The following VAMP7 variants were observed in gnomAD, a reference collection of about 807,000 sequenced individuals.
The protein encoded by VAMP7 is vesicle associated membrane protein 7, also known as vesicle-associated membrane protein 7.
A neutral mutation model predicts 29.6 loss-of-function variants in VAMP7; 14 were observed. That is an observed-to-expected ratio of 0.47 (90% CI 0.31 to 0.74). The LOEUF is 0.74. Among genes scored for constraint, VAMP7 ranks in the 30% least tolerant of loss-of-function variants. The pLI, the probability that VAMP7 is intolerant of heterozygous loss-of-function variation, is 0.05. For missense variants in VAMP7, 223 were observed against 262.4 expected (o/e 0.85, Z 1.04); for synonymous variants, 95 against 88.1 (o/e 1.08, Z -0.44).
chrX:155,928,735 G>A (rs1246172591), intron 6 of VAMP7, among the ~76,000 whole-genome samples: 1 of 152,152 alleles, frequency 6.6e-6, no homozygotes, highest in East Asian at 1.9e-4. Flanking sequence ...TTAGGACACA[G>A]GCATGTCTTA....
intron 4 of VAMP7, 119 bp from the exon 5 acceptor site, chrX:155,900,378 A>G (rs1449012073): frequency 1.3e-6 from 1 of 749,110 alleles, no homozygotes; most frequent in Non-Finnish European, 2.1e-6. Context: ...TGTATCTTTT[A>G]TATCAATAGA....
chrX:155,883,437 T>A (rs2065827680), intron 1 of VAMP7, among the ~76,000 whole-genome samples: 1 of 152,192 alleles, frequency 6.6e-6, no homozygotes, highest in African/African-American at 2.4e-5. Context: ...GTTAATTTAA[T>A]AATCTGCTCA....
intron 6 of VAMP7, among the ~76,000 whole-genome samples, chrX:155,923,442 GAC>G (rs1050787315): frequency 1.3e-5 from 2 of 150,152 alleles, no homozygotes; most frequent in African/African-American, 2.4e-5. Context: ...TTTTTTGAAA[GAC>G]ATTTTCACTG....
chrX:155,906,661 G>A (rs1406003378), intron 5 of VAMP7, among the ~76,000 whole-genome samples: 1 of 152,060 alleles, frequency 6.6e-6, no homozygotes, highest in African/African-American at 2.4e-5. Context: ...ATAAATTGGT[G>A]TTGTATCATA....
At chrX:155,922,374 T>C (rs2066408772) in intron 6 of VAMP7, among the ~76,000 whole-genome samples, 1 of 152,072 alleles carries the variant, frequency 6.6e-6, no homozygotes, top group Non-Finnish European at 1.5e-5. Context: ...TAACTGTAGA[T>C]TTTTTGTAGG....
chrX:155,916,449 G>T (rs1185699502), intron 5 of VAMP7, among the ~76,000 whole-genome samples: 2 of 152,138 alleles, frequency 1.3e-5, no homozygotes, highest in Admixed American at 1.3e-4. Flanking sequence ...TCTTCATAGT[G>T]TTGATGGTCT....
chrX:155,933,995 T>C (rs7058788), intron 6 of VAMP7, among the ~76,000 whole-genome samples: 50,033 of 152,128 alleles, frequency 0.33, 9,477 homozygotes, highest in Non-Finnish European at 0.44. Context: ...TCAGTCTCCA[T>C]GTAGCTGAGC....
intron 6 of VAMP7, among the ~76,000 whole-genome samples, chrX:155,927,613 G>T (rs1210972532): frequency 2.7e-5 from 4 of 150,674 alleles, no homozygotes; most frequent in African/African-American, 9.8e-5. Context: ...GTACGATTTT[G>T]TTTGCTTCAA....
At chrX:155,910,688 T>C (rs2066225238) in intron 5 of VAMP7, among the ~76,000 whole-genome samples, 1 of 152,148 alleles carries the variant, frequency 6.6e-6, no homozygotes, top group African/African-American at 2.4e-5. Flanking sequence ...GGCTTTTATT[T>C]GCATTTCTAT....
At chrX:155,910,928 CT>C (rs961208128) in intron 5 of VAMP7, among the ~76,000 whole-genome samples, 1 of 152,074 alleles carries the variant, frequency 6.6e-6, no homozygotes, top group African/African-American at 2.4e-5. Context: ...TGTGCAAAAG[CT>C]TTTTTGTTTA....
At chrX:155,935,322 C>G (rs1478902529) in intron 6 of VAMP7, among the ~76,000 whole-genome samples, 1 of 152,160 alleles carries the variant, frequency 6.6e-6, no homozygotes, top group Non-Finnish European at 1.5e-5. Flanking sequence ...TTCTCCCCAT[C>G]ACTTTCAGGT....
intron 2 of VAMP7, 168 bp downstream of exon 2, chrX:155,889,780 AT>A: frequency 1.5e-6 from 1 of 661,314 alleles, no homozygotes; most frequent in Non-Finnish European, 2.3e-6. Context: ...TTACTTATAA[AT>A]TTAACTTGTA....
rs1602997058 is a variant in VAMP7 at position 155,926,018 on chromosome X, T to C, written c.501+6138T>C. On this transcript the variant is annotated intron_variant, in intron 6 of 7. Transcript: ENST00000286448. ...TTGAGCAGCAGATCTCCACAGATCTTCTGTACACCATCCTGTAAACAGATG... is the reference window on the plus strand; with the variant it reads ...TTGAGCAGCAGATCTCCACAGATCTCCTGTACACCATCCTGTAAACAGATG... Among the ~76,000 whole-genome samples, 7 of 152,300 alleles carry C rather than the reference T, an allele frequency of 4.6e-5. No individual in the cohort carries two copies. The South Asian group carries it at 1.5e-3, about 32-fold the overall frequency.
At chrX:155,919,445 C>G (rs1008598178) in intron 5 of VAMP7, among the ~76,000 whole-genome samples, 1 of 152,154 alleles carries the variant, frequency 6.6e-6, no homozygotes, top group African/African-American at 2.4e-5. Flanking sequence ...CTTTAATATG[C>G]AAGGACTTTT....
intron 1 of VAMP7, among the ~76,000 whole-genome samples, chrX:155,884,479 C>T (rs752707308): frequency 2.0e-5 from 3 of 152,152 alleles, no homozygotes; most frequent in African/African-American, 7.2e-5. Context: ...ATCATTACTG[C>T]AAAAGACAAA....
At chrX:155,901,370 C>T (rs917446512) in intron 5 of VAMP7, among the ~76,000 whole-genome samples, 5 of 151,398 alleles carry the variant, frequency 3.3e-5, no homozygotes, top group South Asian at 4.2e-4. Flanking sequence ...TTTTTTTTGT[C>T]ACCAAATGTA....
intron 6 of VAMP7, among the ~76,000 whole-genome samples, chrX:155,926,552 T>G (rs746491733): frequency 6.6e-6 from 1 of 152,352 alleles, no homozygotes; most frequent in Non-Finnish European, 1.5e-5. Context: ...GGAAATGTTA[T>G]AGCTGGTTTA....
chrX:155,941,651 C>T (rs2066745437), intron 7 of VAMP7, among the ~76,000 whole-genome samples: 1 of 152,086 alleles, frequency 6.6e-6, no homozygotes, highest in Non-Finnish European at 1.5e-5. Context: ...ACTGCTTTCT[C>T]TCCCACTGAA....
chrX:155,898,872 A>G lies in VAMP7; in HGVS notation c.342+623A>G, dbSNP rs139248227. 8.1e-3 allele frequency among the ~76,000 whole-genome samples: 1,236 copies of G among 152,180 alleles called. 22 individuals carry two copies. Among genetic ancestry groups the G allele is most frequent in the African/African-American group, 0.028 (1,182 of 41,522 alleles). ...CTGTAAATAGAATCATACAGTATGT[A>G]AACTTTCTGTAAATGGAATCATACA... On this transcript the variant is annotated intron_variant, in intron 4 of 7. Transcript: ENST00000286448.
Sources: gnomAD v4.1 joint callset for allele counts (sites outside exome capture counted in the v4.1 genomes callset) on GRCh38, gnomAD v4.1.1 for gene constraint, MANE v1.5 for transcripts, NCBI Gene and HGNC (gene_info 2026-07-23, HGNC 2026-07-21) for gene names.